The following AK9 variants were observed in gnomAD, a reference collection of about 807,000 sequenced individuals.
AK9 encodes the protein adenylate kinase 9, also known as adenylate kinase domain containing 1.
Under a neutral mutation model 239.6 loss-of-function variants are expected in AK9, and 191 were observed. The ratio of observed to expected loss-of-function variants is 0.80; its 90% CI spans 0.71 to 0.90. AK9 has a LOEUF of 0.90. Ranked by LOEUF, AK9 falls within the 40% of genes least tolerant of loss-of-function variation. The pLI is 0.00. For synonymous variants in AK9, 689 were observed against 721.0 expected (o/e 0.96, Z 0.71); for missense variants, 1,995 against 2,214.7 (o/e 0.90, Z 1.99).
At chr6:109,572,799 C>T (rs534479273) in intron 21 of AK9, among the ~76,000 whole-genome samples, 1 of 152,246 alleles carries the variant, frequency 6.6e-6, no homozygotes, top group African/African-American at 2.4e-5. Context: ...TGCTTGAAAG[C>T]ATTTGCAAGC....
At chr6:109,636,120 C>T (rs729888) in intron 10 of AK9, among the ~76,000 whole-genome samples, 52,561 of 151,932 alleles carry the variant, frequency 0.35, 9,557 homozygotes, top group South Asian at 0.44. Context: ...CTGTGTGACT[C>T]GAAAGCCAAA....
intron 27 of AK9, among the ~76,000 whole-genome samples, chr6:109,536,921 T>C (rs1782078788): frequency 6.6e-6 from 1 of 152,220 alleles, no homozygotes; most frequent in Non-Finnish European, 1.5e-5. Context: ...GATTTGCGTA[T>C]GTTGAACCAG....
chr6:109,634,241 C>A (rs1222029071), intron 10 of AK9, among the ~76,000 whole-genome samples: 1 of 152,170 alleles, frequency 6.6e-6, no homozygotes. Flanking sequence ...GGCAAGTTAA[C>A]CCCTCTTGCC....
At chr6:109,657,829 G>C (rs1296837174) in intron 7 of AK9, among the ~76,000 whole-genome samples, 1 of 152,044 alleles carries the variant, frequency 6.6e-6, no homozygotes, top group African/African-American at 2.4e-5. Flanking sequence ...AACATTTTAA[G>C]GTAGAGGGAA....
chr6:109,515,282 C>T (rs947334366), intron 31 of AK9, among the ~76,000 whole-genome samples: 1 of 152,080 alleles, frequency 6.6e-6, no homozygotes, highest in Non-Finnish European at 1.5e-5. Flanking sequence ...ATCCCACTCA[C>T]ATAAACATTA....
intron 32 of AK9, among the ~76,000 whole-genome samples, chr6:109,510,402 C>T (rs1170026416): frequency 6.6e-6 from 1 of 151,970 alleles, no homozygotes; most frequent in African/African-American, 2.4e-5. Flanking sequence ...AGAGGATACT[C>T]CTCTCTGCTG....
At chr6:109,684,270 C>T (rs1481028871) in intron 1 of AK9, among the ~76,000 whole-genome samples, 2 of 152,104 alleles carry the variant, frequency 1.3e-5, no homozygotes, top group African/African-American at 4.8e-5. Flanking sequence ...AAGACTTAAA[C>T]GTAAGACCCA....
At chr6:109,542,824 C>T (rs1368471416) in intron 26 of AK9, among the ~76,000 whole-genome samples, 1 of 152,044 alleles carries the variant, frequency 6.6e-6, no homozygotes, top group Non-Finnish European at 1.5e-5. Context: ...AAAAACACAA[C>T]CACTTTTGCA....
intron 17 of AK9, among the ~76,000 whole-genome samples, chr6:109,602,030 A>G (rs1792070242): frequency 6.6e-6 from 1 of 152,034 alleles, no homozygotes. Context: ...TCTTTATCCA[A>G]TTTGCCAGTC....
At chr6:109,583,758 A>T (rs1789143704) in intron 19 of AK9, among the ~76,000 whole-genome samples, 2 of 152,150 alleles carry the variant, frequency 1.3e-5, no homozygotes, top group African/African-American at 4.8e-5. Flanking sequence ...TGGAGAAGAT[A>T]TCTTTTCCTT....
intron 26 of AK9, among the ~76,000 whole-genome samples, chr6:109,545,469 G>T (rs1783427398): frequency 6.6e-6 from 1 of 152,122 alleles, no homozygotes; most frequent in Admixed American, 6.5e-5. Context: ...TTGTGATAGT[G>T]AATAGTCTCA....
At position 109,516,604 on chromosome 6, in the gene AK9, T is replaced by C; in HGVS notation, c.3672A>G (p.Glu1224=). Residue 1224 remains glutamate, a synonymous_variant, in exon 30 of 41, where the codon GAA becomes GAG. Coordinates refer to ENST00000424296, the MANE Select transcript of AK9 (RefSeq NM_001145128.3). ...VRDDEEISEE[E]LEEDNDDIEN... The stretch of plus-strand genomic sequence containing the variant: ...CAATATCATCATTGTCTTCTTCAAG[T>C]TCTTCCTCACTAATCTCTTCATCAT... 6.4e-7 allele frequency: 1 copy of C among 1,550,592 alleles called. No homozygotes were observed. Among genetic ancestry groups the C allele is most frequent in the Non-Finnish European group, 8.7e-7 (1 of 1,146,878 alleles).
intron 24 of AK9, 91 bp from the exon 25 acceptor site, chr6:109,550,393 A>T: frequency 8.6e-7 from 1 of 1,157,856 alleles, no homozygotes; most frequent in Non-Finnish European, 1.2e-6. Context: ...AATAATATTT[A>T]ATCTGTAGCA....
intron 8 of AK9, among the ~76,000 whole-genome samples, chr6:109,655,552 A>G (rs541244881): frequency 6.6e-6 from 1 of 152,292 alleles, no homozygotes; most frequent in East Asian, 1.9e-4. Context: ...AATTGAAGCT[A>G]TCATTCTTTT....
At chr6:109,500,061 A>T (rs954867273) in intron 35 of AK9, among the ~76,000 whole-genome samples, 1 of 151,720 alleles carries the variant, frequency 6.6e-6, no homozygotes, top group African/African-American at 2.4e-5. Context: ...ACACACACAC[A>T]CACACACACA....
chr6:109,546,108 C>A lies in AK9; in HGVS notation c.2984G>T (p.Cys995Phe). 26 of 1,077,256 alleles carry A rather than the reference C, an allele frequency of 2.4e-5. No individual in the cohort carries two copies. Among genetic ancestry groups the A allele is most frequent in the Non-Finnish European group, 3.2e-5 (25 of 770,130 alleles). 66.7% of individuals were successfully genotyped at this position (1,077,256 alleles called of 1,614,324 possible). Residue 995 changes from cysteine to phenylalanine, a missense_variant, in exon 26 of 41, where the codon TGC becomes TTC. Physicochemically the swap from Cys to Phe is radical, Grantham distance 205. Around this residue, in one of 5 missense-constraint regions of AK9, gnomAD observed 1,290 missense variants for 1,392.7 expected, o/e 0.93. Transcript: ENST00000424296. Reference sequence around the variant, plus strand: ...GCCAGAGCCCTGGGGGCCGACAAGGCATATTCTTAATGGAGGAGCCTGTCA... The same window carrying A: ...GCCAGAGCCCTGGGGGCCGACAAGGAATATTCTTAATGGAGGAGCCTGTCA... ...EPLKAPPLRI[C>F]LVGPQGSGKT...
At chr6:109,634,181 T>C (rs763435270) in intron 10 of AK9, among the ~76,000 whole-genome samples, 15 of 152,170 alleles carry the variant, frequency 9.9e-5, no homozygotes, top group Non-Finnish European at 1.5e-4. Context: ...TAGATTAATG[T>C]CCTTATCTCA....
At chr6:109,494,357 C>T (rs1308107491) in intron 39 of AK9, 1 of 326,508 alleles carries the variant, frequency 3.1e-6, no homozygotes, top group East Asian at 4.9e-5. Context: ...TTACACAAGT[C>T]TCTCTATTTT....
At chr6:109,586,202 G>C in intron 17 of AK9, 130 bp from the exon 18 acceptor site, 1 of 841,250 alleles carries the variant, frequency 1.2e-6, no homozygotes, top group African/African-American at 1.8e-5. Context: ...AAAAAAGGGT[G>C]ACAATTTTTA....
Sources: gnomAD v4.1 joint callset for allele counts (sites outside exome capture counted in the v4.1 genomes callset) on GRCh38, gnomAD v4.1.1 for gene constraint, gnomAD v4.1.1 regional missense constraint, MANE v1.5 for transcripts, NCBI Gene and HGNC (gene_info 2026-07-23, HGNC 2026-07-21) for gene names.